RXFP1: variants seen among roughly 807,000 people sequenced by gnomAD.
RXFP1 encodes the protein relaxin family peptide receptor 1.
In RXFP1, 73 loss-of-function variants were observed where a neutral mutation model predicts 89.8. That is an observed-to-expected ratio of 0.81 (90% confidence interval 0.67 to 0.99). The LOEUF is 0.99. Among genes scored for constraint, RXFP1 ranks in the 50% least tolerant of loss-of-function variants. The pLI is 0.00. For missense variants in RXFP1, 793 were observed against 895.5 expected (o/e 0.89, Z 1.46); for synonymous variants, 277 against 305.5 (o/e 0.91, Z 0.97).
At chr4:158,550,957 A>ACAT (rs1341176646) in intron 1 of RXFP1, among the ~76,000 whole-genome samples, 1 of 152,142 alleles carries the variant, frequency 6.6e-6, no homozygotes, top group East Asian at 1.9e-4. Flanking sequence ...GGTACCTAAA[A>ACAT]CATATTAAAT....
chr4:158,609,261 C>CA (rs1448338035), intron 6 of RXFP1, among the ~76,000 whole-genome samples: 1 of 152,206 alleles, frequency 6.6e-6, no homozygotes, highest in Non-Finnish European at 1.5e-5. Context: ...TTTTCCACAG[C>CA]AACTGTACCA....
At chr4:158,529,898 T>C (rs926736387) in intron 1 of RXFP1, among the ~76,000 whole-genome samples, 1 of 152,228 alleles carries the variant, frequency 6.6e-6, no homozygotes, top group African/African-American at 2.4e-5. Context: ...TCCTCATTAA[T>C]TAGGACTTTC....
intron 1 of RXFP1, among the ~76,000 whole-genome samples, chr4:158,534,908 T>TATA (rs5863326): frequency 0.96 from 141,315 of 147,442 alleles, 67,969 homozygotes; most frequent in East Asian, 1. Flanking sequence ...TTTTATTACA[T>TATA]ATAATAAAAT....
Position 158,646,789 on chromosome 4 carries a change from A to C in RXFP1, c.1346-2A>C. On this transcript the variant is annotated splice_acceptor_variant, in intron 15 of 17. Transcript: ENST00000307765. LOFTEE classifies it high-confidence loss of function. Reference sequence around the variant, plus strand: ...AAATTTGTGAAACTATGACTCCTCTAGGTGCCGACTGCTTAATGGGAATAT... The same window carrying C: ...AAATTTGTGAAACTATGACTCCTCTCGGTGCCGACTGCTTAATGGGAATAT... 1 of 1,592,104 alleles carries C rather than the reference A, an allele frequency of 6.3e-7. No individual in the cohort carries two copies. Among genetic ancestry groups the C allele is most frequent in the Non-Finnish European group, 8.6e-7 (1 of 1,167,142 alleles).
chr4:158,522,671 C>G (rs566621821), intron 1 of RXFP1, among the ~76,000 whole-genome samples: 21 of 152,182 alleles, frequency 1.4e-4, no homozygotes, highest in Non-Finnish European at 2.6e-4. Flanking sequence ...TCAAGGGAAA[C>G]AGTTGTTGTG....
intron 9 of RXFP1, among the ~76,000 whole-genome samples, chr4:158,625,837 G>A (rs1236871840): frequency 6.6e-6 from 1 of 152,044 alleles, no homozygotes; most frequent in East Asian, 1.9e-4. Context: ...AGTAAGCTGA[G>A]TGTTAGAAGA....
At position 158,554,808 on chromosome 4, in the gene RXFP1, CTT is replaced by C. The variant is rs1292401741; in HGVS notation, c.50-17889_50-17888del. Among the ~76,000 whole-genome samples the C allele has an allele frequency of 2.0e-5, 3 of 151,800 alleles. No individual in the cohort carries two copies. In the South Asian group the frequency reaches 6.2e-4, roughly 31 times the overall value. On this transcript the variant is annotated intron_variant, in intron 1 of 17. Transcript: ENST00000307765. ...ATAAGTCATAGAGTATAATTAAACTCTTAGTGCTTGAAAAAGTCATAGCTGTG... is the reference window on the plus strand; with the variant it reads ...ATAAGTCATAGAGTATAATTAAACTCAGTGCTTGAAAAAGTCATAGCTGTG...
chr4:158,556,093 C>G (rs1431847858), intron 1 of RXFP1, among the ~76,000 whole-genome samples: 1 of 151,928 alleles, frequency 6.6e-6, no homozygotes, highest in Non-Finnish European at 1.5e-5. Context: ...TTATATCAAA[C>G]TGAAAAGTTT....
At chr4:158,622,031 C>A (rs1042447185) in intron 9 of RXFP1, among the ~76,000 whole-genome samples, 9 of 152,170 alleles carry the variant, frequency 5.9e-5, no homozygotes, top group African/African-American at 1.9e-4. Flanking sequence ...AAAAATAGGA[C>A]CAGGTGCGGT....
intron 9 of RXFP1, among the ~76,000 whole-genome samples, chr4:158,625,194 A>T (rs1766466968): frequency 6.6e-6 from 1 of 152,178 alleles, no homozygotes; most frequent in African/African-American, 2.4e-5. Flanking sequence ...CTTGGCCAAA[A>T]CTAAGACCAA....
chr4:158,535,119 G>T (rs1180667416), intron 1 of RXFP1, among the ~76,000 whole-genome samples: 1 of 152,050 alleles, frequency 6.6e-6, no homozygotes, highest in Non-Finnish European at 1.5e-5. Context: ...TTCCCAGGGA[G>T]AGGAGAGAAG....
At chr4:158,644,348 G>A (rs1157373034) in intron 14 of RXFP1, among the ~76,000 whole-genome samples, 3 of 152,054 alleles carry the variant, frequency 2.0e-5, no homozygotes, top group Non-Finnish European at 2.9e-5. Flanking sequence ...GCCCAGCCTT[G>A]TATGTCTTCT....
intron 1 of RXFP1, among the ~76,000 whole-genome samples, chr4:158,548,893 T>A (rs1348297062): frequency 1.3e-5 from 2 of 152,130 alleles, no homozygotes; most frequent in Admixed American, 6.5e-5. Context: ...ATTTTTTCCT[T>A]CATTTCAACT....
At chr4:158,648,006 C>G in intron 16 of RXFP1, among the ~76,000 whole-genome samples, 1 of 88,344 alleles carries the variant, frequency 1.1e-5, no homozygotes, top group East Asian at 3.9e-4. Flanking sequence ...CACAGCGAGA[C>G]TCCATCTCAA....
intron 9 of RXFP1, among the ~76,000 whole-genome samples, chr4:158,625,469 C>T (rs1333500240): frequency 2.0e-5 from 3 of 152,102 alleles, no homozygotes; most frequent in African/African-American, 7.2e-5. Flanking sequence ...ATCAGTCAAT[C>T]TAATTTTGCA....
At chr4:158,534,887 T>C (rs1211468043) in intron 1 of RXFP1, among the ~76,000 whole-genome samples, 1 of 75,294 alleles carries the variant, frequency 1.3e-5, no homozygotes, top group Non-Finnish European at 2.4e-5. Context: ...TTATTACCTA[T>C]AATAAGTAAT....
At chr4:158,587,188 G>C (rs144103009) in intron 2 of RXFP1, among the ~76,000 whole-genome samples, 1 of 152,156 alleles carries the variant, frequency 6.6e-6, no homozygotes, top group Non-Finnish European at 1.5e-5. Flanking sequence ...CTGCAAGGTC[G>C]AAGCCTTCAA....
rs370026354 is a variant in RXFP1 at position 158,589,437 on chromosome 4, G to A, written c.188-3964G>A. 1.1e-4 allele frequency among the ~76,000 whole-genome samples: 17 copies of A among 152,304 alleles called. No individual in the cohort carries two copies. In the East Asian group the frequency reaches 3.1e-3, roughly 28 times the overall value. ...ATAAAATAGCAAAATCTTTTGGTAT[G>A]TCAGTCTTCTCTAAGTCCAATTTGT... is the stretch of plus-strand genomic sequence containing the variant. On this transcript the variant is annotated intron_variant, in intron 2 of 17. Transcript: ENST00000307765.
At chr4:158,563,753 C>T (rs1245166422) in intron 1 of RXFP1, among the ~76,000 whole-genome samples, 1 of 151,526 alleles carries the variant, frequency 6.6e-6, no homozygotes, top group Non-Finnish European at 1.5e-5. Context: ...ATGGAACAGA[C>T]CCTGTATATG....
Sources: gnomAD v4.1 joint callset for allele counts (sites outside exome capture counted in the v4.1 genomes callset) on GRCh38, gnomAD v4.1.1 for gene constraint, MANE v1.5 for transcripts, NCBI Gene and HGNC (gene_info 2026-07-23, HGNC 2026-07-21) for gene names.